Variants in TYR observed in about 807,000 individuals in gnomAD.
TYR encodes the protein LB24-AB.
Under a neutral mutation model 51.5 loss-of-function variants are expected in TYR, and 58 were observed. That is an observed-to-expected ratio of 1.13 (90% CI 0.91 to 1.40). The LOEUF is 1.40. Among genes scored for constraint, TYR ranks in the 40% most tolerant of loss-of-function variants. TYR has a pLI of 0.00. For missense variants in TYR, 732 were observed against 647.4 expected, an observed-to-expected ratio of 1.13 and a Z score of -1.42; for synonymous variants, 263 against 235.2, an observed-to-expected ratio of 1.12 and a Z score of -1.08.
intron 3 of TYR, among the ~76,000 whole-genome samples, chr11:89,258,376 T>C (rs1944419780): frequency 1.3e-5 from 2 of 151,658 alleles, no homozygotes; most frequent in Non-Finnish European, 2.9e-5. Flanking sequence ...ATGTAACAAC[T>C]TTTCCTCAAA....
intron 1 of TYR, among the ~76,000 whole-genome samples, chr11:89,185,328 G>C (rs1403927043): frequency 6.6e-6 from 1 of 152,062 alleles, no homozygotes; most frequent in Non-Finnish European, 1.5e-5. Flanking sequence ...ATAAGTTCTA[G>C]AAATATATTC....
At chr11:89,200,500 T>C (rs1168390351) in intron 2 of TYR, 4 of 152,192 alleles carry the variant, frequency 2.6e-5, no homozygotes, top group African/African-American at 9.6e-5. Flanking sequence ...TCTTACAATA[T>C]ATGAAAAATT....
Position 89,295,623 on chromosome 11 carries a change from C to T in TYR, c.*257C>T. ...AAGGATGCTATTTGGTAATGAGGAA[C>T]TGTTATTTGTATGTGAATTAAAGTG... On this transcript the variant is annotated 3_prime_UTR_variant, in exon 5 of 5. Transcript: ENST00000263321. 2.1e-6 allele frequency: 1 copy of T among 469,744 alleles called. No homozygotes were observed. The highest frequency in any genetic ancestry group is 2.3e-5 in the South Asian group (1 of 43,578). 29.1% of individuals were successfully genotyped at this position (469,744 alleles called of 1,614,324 possible).
chr11:89,179,975 A>G (rs933426088), intron 1 of TYR, among the ~76,000 whole-genome samples: 1 of 152,266 alleles, frequency 6.6e-6, no homozygotes, highest in South Asian at 2.1e-4. Flanking sequence ...CTTGCACTCA[A>G]TTTCCCACAA....
At chr11:89,290,181 A>G (rs1944839542) in intron 4 of TYR, among the ~76,000 whole-genome samples, 1 of 152,112 alleles carries the variant, frequency 6.6e-6, no homozygotes, top group Non-Finnish European at 1.5e-5. Context: ...GGGAAGGATG[A>G]TCAAAAAATT....
Position 89,211,698 on chromosome 11 carries a change from G to A in TYR, c.1037-16125G>A, listed in dbSNP as rs567173322. Among the ~76,000 whole-genome samples the A allele has an allele frequency of 2.0e-5, 3 of 152,278 alleles. No individual in the cohort carries two copies. The East Asian group carries it at 5.8e-4, about 29-fold the overall frequency. ...TGTAAAATTGACCACATAATTGGAA[G>A]TAAAACACTCCACAGCAAATGTAAA... On this transcript the variant is annotated intron_variant, in intron 2 of 4. Coordinates refer to ENST00000263321, the MANE Select transcript of TYR (RefSeq NM_000372.5).
intron 3 of TYR, among the ~76,000 whole-genome samples, chr11:89,250,837 G>T (rs1944323813): frequency 6.6e-6 from 1 of 151,868 alleles, no homozygotes. Flanking sequence ...TACAAATGTT[G>T]CAGGGAAGCA....
chr11:89,195,506 C>T (rs957894895), intron 2 of TYR, among the ~76,000 whole-genome samples: 1 of 152,044 alleles, frequency 6.6e-6, no homozygotes, highest in African/African-American at 2.4e-5. Context: ...TAGAGAAACC[C>T]CGTTTCTACT....
chr11:89,182,928 A>C (rs1943320875), intron 1 of TYR, among the ~76,000 whole-genome samples: 1 of 152,142 alleles, frequency 6.6e-6, no homozygotes, highest in African/African-American at 2.4e-5. Context: ...GAATTCACTC[A>C]TCAGGTGAAA....
intron 1 of TYR, among the ~76,000 whole-genome samples, chr11:89,182,804 C>T (rs1238707690): frequency 1.3e-5 from 2 of 152,040 alleles, no homozygotes; most frequent in Non-Finnish European, 2.9e-5. Context: ...ATGCAACCAA[C>T]AGATCAGCTA....
chr11:89,180,181 T>TA (rs1943283206), intron 1 of TYR, among the ~76,000 whole-genome samples: 2 of 152,318 alleles, frequency 1.3e-5, no homozygotes, highest in African/African-American at 4.8e-5. Context: ...TCTATTTCAA[T>TA]AAGCTTTCAG....
intron 3 of TYR, among the ~76,000 whole-genome samples, chr11:89,259,137 A>G (rs548736473): frequency 6.6e-6 from 1 of 152,212 alleles, no homozygotes; most frequent in South Asian, 2.1e-4. Flanking sequence ...TTCATGCCCA[A>G]AATGAATGAG....
intron 3 of TYR, among the ~76,000 whole-genome samples, chr11:89,280,142 T>G (rs1460471051): frequency 1.3e-5 from 2 of 151,626 alleles, no homozygotes; most frequent in Non-Finnish European, 3.0e-5. Context: ...ATATCCTTAG[T>G]TTATGGCACT....
intron 2 of TYR, among the ~76,000 whole-genome samples, chr11:89,225,964 C>G (rs1943970330): frequency 6.6e-6 from 1 of 151,308 alleles, no homozygotes; most frequent in Non-Finnish European, 1.5e-5. Flanking sequence ...CACATGTACC[C>G]CAAAGATATG....
At chr11:89,256,760 ATT>A (rs1944396976) in intron 3 of TYR, among the ~76,000 whole-genome samples, 1 of 151,890 alleles carries the variant, frequency 6.6e-6, no homozygotes, top group Admixed American at 6.6e-5. Context: ...CTGAACTCAG[ATT>A]TCTGAAGAGG....
chr11:89,248,265 A>T (rs929655805), intron 3 of TYR, among the ~76,000 whole-genome samples: 1 of 152,240 alleles, frequency 6.6e-6, no homozygotes, highest in African/African-American at 2.4e-5. Flanking sequence ...GAGGAGAAAC[A>T]TAAGCAAACC....
intron 3 of TYR, among the ~76,000 whole-genome samples, chr11:89,263,676 A>T (rs565689478): frequency 6.6e-6 from 1 of 152,238 alleles, no homozygotes; most frequent in Admixed American, 6.5e-5. Flanking sequence ...TATAAAAATC[A>T]GTTGTATTTC....
chr11:89,182,729 T>A (rs1943318105), intron 1 of TYR, among the ~76,000 whole-genome samples: 1 of 152,106 alleles, frequency 6.6e-6, no homozygotes, highest in Non-Finnish European at 1.5e-5. Flanking sequence ...TATTTGGAGG[T>A]GGAGGGTTGC....
At chr11:89,241,681 T>G (rs1944196154) in intron 3 of TYR, among the ~76,000 whole-genome samples, 1 of 150,290 alleles carries the variant, frequency 6.7e-6, no homozygotes, top group Admixed American at 6.7e-5. Context: ...TAACTAAAAT[T>G]GTATCACTAC....
Sources: allele counts gnomAD v4.1 joint callset (sites outside exome capture counted in the v4.1 genomes callset), GRCh38; gene constraint gnomAD v4.1.1; transcripts MANE v1.5; gene names NCBI Gene and HGNC (gene_info 2026-07-23, HGNC 2026-07-21).